CHKA: variants seen among roughly 807,000 people sequenced by gnomAD.
The protein encoded by CHKA is CHETK-alpha.
A neutral mutation model predicts 60.1 loss-of-function variants in CHKA; 34 were observed. The ratio of observed to expected loss-of-function variants is 0.57; its 90% CI spans 0.43 to 0.75. The LOEUF (loss-of-function observed/expected upper bound fraction) is 0.75. CHKA is among the 30% of genes least tolerant of loss of function. CHKA has a pLI of 0.00. For synonymous variants in CHKA, 217 were observed against 223.1 expected, an observed-to-expected ratio of 0.97 and a Z score of 0.24; for missense variants, 563 against 561.3, an observed-to-expected ratio of 1.00 and a Z score of -0.03.
At chr11:68,056,081 T>C (rs1565169736) in intron 11 of CHKA, among the ~76,000 whole-genome samples, 2 of 152,140 alleles carry the variant, frequency 1.3e-5, no homozygotes, top group Non-Finnish European at 2.9e-5. Context: ...CTGTTTGGTT[T>C]CTGGCTGAGT....
chr11:68,064,465 C>T, intron 10 of CHKA, 60 bp downstream of exon 10: 1 of 848,844 alleles, frequency 1.2e-6, no homozygotes. Context: ...TCAGCATCTC[C>T]CAAATATAGT....
intron 3 of CHKA, among the ~76,000 whole-genome samples, chr11:68,079,487 G>C (rs983960098): frequency 6.6e-6 from 1 of 151,978 alleles, no homozygotes; most frequent in South Asian, 2.1e-4. Flanking sequence ...CCGCCACCAC[G>C]CCTGGCTAAT....
chr11:68,106,066 C>G (rs1042768352), intron 1 of CHKA, among the ~76,000 whole-genome samples: 4 of 152,012 alleles, frequency 2.6e-5, no homozygotes, highest in African/African-American at 9.7e-5. Flanking sequence ...ATTTAGAGCA[C>G]AAGGAAAATA....
intron 11 of CHKA, among the ~76,000 whole-genome samples, chr11:68,054,306 C>A (rs1319413730): frequency 6.6e-6 from 1 of 152,220 alleles, no homozygotes; most frequent in Admixed American, 6.5e-5. Flanking sequence ...CCAGCCCTGC[C>A]TCTCAGGATG....
Position 68,064,634 on chromosome 11 carries a change from T to TAA in CHKA, c.1126-5_1126-4dup. 6.5e-7 allele frequency: 1 copy of TAA among 1,527,800 alleles called. No homozygotes were observed. Among genetic ancestry groups the TAA allele is most frequent in the Non-Finnish European group, 9.0e-7 (1 of 1,116,674 alleles). 94.6% of individuals were successfully genotyped at this position (1,527,800 alleles called of 1,614,324 possible). ...AAGTAACTGGAAATAAAATGGAGCT[T>TAA]AAAAAAAAGTAATTGTGTTAGGATC... On this transcript the variant is annotated splice_polypyrimidine_tract_variant and splice_region_variant and intron_variant, in intron 9 of 11. Transcript: ENST00000265689.
At chr11:68,101,016 C>T (rs929742738) in intron 1 of CHKA, among the ~76,000 whole-genome samples, 2 of 136,440 alleles carry the variant, frequency 1.5e-5, no homozygotes, top group Non-Finnish European at 3.0e-5. Flanking sequence ...AGCGCGATCT[C>T]GGCTCACTGC....
chr11:68,074,003 C>T (rs550339026), intron 4 of CHKA, among the ~76,000 whole-genome samples: 3 of 152,252 alleles, frequency 2.0e-5, no homozygotes, highest in East Asian at 1.9e-4. Flanking sequence ...CACACTTCAA[C>T]ACTTAGGGTT....
intron 1 of CHKA, among the ~76,000 whole-genome samples, chr11:68,108,767 G>A (rs1461828217): frequency 1.3e-5 from 2 of 152,022 alleles, no homozygotes; most frequent in Non-Finnish European, 1.5e-5. Context: ...AGGTTAAGGG[G>A]GAAACTGCTG....
At chr11:68,060,018 G>A (rs960713586) in intron 11 of CHKA, among the ~76,000 whole-genome samples, 1 of 144,422 alleles carries the variant, frequency 6.9e-6, no homozygotes, top group Non-Finnish European at 1.5e-5. Flanking sequence ...TTGTTTCTGA[G>A]ATAGAGTTTC....
At chr11:68,116,264 A>G (rs1485935463) in intron 1 of CHKA, among the ~76,000 whole-genome samples, 4 of 152,212 alleles carry the variant, frequency 2.6e-5, no homozygotes, top group African/African-American at 9.6e-5. Context: ...TGACCTTATC[A>G]ATCAGCAATG....
chr11:68,105,047 T>A (rs1190610461), intron 1 of CHKA, among the ~76,000 whole-genome samples: 1 of 150,664 alleles, frequency 6.6e-6, no homozygotes, highest in South Asian at 2.1e-4. Flanking sequence ...GAGGCTGCAG[T>A]GAGTTGAGAT....
intron 1 of CHKA, among the ~76,000 whole-genome samples, chr11:68,103,460 A>G (rs1565191762): frequency 1.3e-5 from 2 of 152,200 alleles, no homozygotes; most frequent in Admixed American, 6.5e-5. Context: ...AAAAGATAAC[A>G]AACGTTGACA....
chr11:68,103,575 T>C (rs1214866738), intron 1 of CHKA, among the ~76,000 whole-genome samples: 1 of 151,580 alleles, frequency 6.6e-6, no homozygotes, highest in African/African-American at 2.4e-5. Context: ...AAAATAGAAT[T>C]ACCATTAAGA....
chr11:68,083,557 G>T (rs555357216), intron 2 of CHKA, among the ~76,000 whole-genome samples: 4 of 152,106 alleles, frequency 2.6e-5, no homozygotes, highest in Non-Finnish European at 4.4e-5. Flanking sequence ...CAGTTAATGG[G>T]TTATTTAGCC....
chr11:68,099,244 G>A (rs992941038), intron 1 of CHKA, among the ~76,000 whole-genome samples: 1 of 152,192 alleles, frequency 6.6e-6, no homozygotes, highest in African/African-American at 2.4e-5. Flanking sequence ...AAAACTGACT[G>A]TGGTAACAGC....
In CHKA at chr11:68,068,916, T is replaced by TG; in HGVS notation, c.890dup (p.Ser298IlefsTer8). ...CATTATGACAAAATACAACTGGAGA[T>TG]GGAGTAGATTCAAGCAATGATCTGA... On this transcript the variant is annotated frameshift_variant, in exon 7 of 12. Coordinates refer to ENST00000265689, the MANE Select transcript of CHKA (RefSeq NM_001277.3). LOFTEE classifies it high-confidence loss of function. The TG allele has an allele frequency of 6.2e-7, 1 of 1,612,566 alleles. No individual in the cohort carries two copies. The highest frequency in any genetic ancestry group is 8.5e-7 in the Non-Finnish European group (1 of 1,179,136).
Position 68,066,499 on chromosome 11 carries a change from C to T in CHKA, c.946G>A (p.Glu316Lys), listed in dbSNP as rs770047398. 1.9e-6 allele frequency: 3 copies of T among 1,614,034 alleles called. No homozygotes were observed. In the South Asian group the frequency reaches 3.3e-5, roughly 18 times the overall value. Residue 316 changes from glutamate (E) to lysine (K), a missense_variant, in exon 8 of 12, where the codon GAA (glutamate) becomes AAA (lysine). Coordinates refer to ENST00000265689, the MANE Select transcript of CHKA (RefSeq NM_001277.3). ...TGTTTTTCAGAATTCTCTCGGCCTT[C>T]CAGCAACAAGATATTACCTGCAAAA... ...DCQEGNILLL[E>K]GRENSEKQKL...
chr11:68,060,327 C>T (rs935490748), intron 11 of CHKA, among the ~76,000 whole-genome samples: 2 of 151,068 alleles, frequency 1.3e-5, no homozygotes, highest in East Asian at 2.0e-4. Flanking sequence ...CCACCGCACC[C>T]GGCCAGAGTT....
intron 3 of CHKA, among the ~76,000 whole-genome samples, chr11:68,079,896 G>T (rs1005495281): frequency 6.6e-6 from 1 of 152,110 alleles, no homozygotes; most frequent in South Asian, 2.1e-4. Flanking sequence ...AACATGAGAA[G>T]AGGGCCTATG....
Sources: gnomAD v4.1 joint callset for allele counts (sites outside exome capture counted in the v4.1 genomes callset) on GRCh38, gnomAD v4.1.1 for gene constraint, MANE v1.5 for transcripts, NCBI Gene and HGNC (gene_info 2026-07-23, HGNC 2026-07-21) for gene names.